Variants in NLGN1 observed in about 807,000 individuals in gnomAD.
The protein encoded by NLGN1 is neuroligin 1, also known as neuroligin-1.
NLGN1 carries 12 observed loss-of-function variants against 65.5 expected under a neutral mutation model. The observed-to-expected ratio is 0.18, with a 90% CI of 0.12 to 0.30. The LOEUF (loss-of-function observed/expected upper bound fraction) is 0.30, where lower values mean the gene tolerates loss of function less well. NLGN1 is among the 10% of genes least tolerant of loss of function. The pLI is 1.00. For missense variants in NLGN1, 750 were observed against 1,007.1 expected, an observed-to-expected ratio of 0.74 and a Z score of 3.46; for synonymous variants, 350 against 359.5, an observed-to-expected ratio of 0.97 and a Z score of 0.30.
At chr3:173,885,211 A>G (rs568572206) in intron 4 of NLGN1, among the ~76,000 whole-genome samples, 1 of 152,260 alleles carries the variant, frequency 6.6e-6, no homozygotes, top group Non-Finnish European at 1.5e-5. Context: ...TTTGTTGTAT[A>G]CTTTTTTACC....
chr3:173,557,696 G>T (rs1012266632), intron 2 of NLGN1, among the ~76,000 whole-genome samples: 5 of 151,960 alleles, frequency 3.3e-5, no homozygotes, highest in Non-Finnish European at 7.4e-5. Context: ...TATAATACCA[G>T]AACCCCTTTC....
chr3:173,964,913 T>C (rs1714470206), intron 4 of NLGN1, among the ~76,000 whole-genome samples: 1 of 152,170 alleles, frequency 6.6e-6, no homozygotes, highest in Admixed American at 6.5e-5. Context: ...TCTGGGATTT[T>C]GTGGTAGCTG....
chr3:174,055,438 A>G lies in NLGN1; in HGVS notation c.647-219877A>G, dbSNP rs1206840094. On this transcript the variant is annotated intron_variant, in intron 4 of 6. Coordinates refer to ENST00000457714, the Ensembl canonical transcript of NLGN1. ...GGCAAAGAGGCCAAAAGGGCACCGAATTGTGATCTGATCAAGCAATGATGA... is the reference window on the plus strand; with the variant it reads ...GGCAAAGAGGCCAAAAGGGCACCGAGTTGTGATCTGATCAAGCAATGATGA... 2.6e-5 allele frequency among the ~76,000 whole-genome samples: 4 copies of G among 152,018 alleles called. No homozygotes were observed. In the East Asian group the frequency reaches 7.7e-4, roughly 29 times the overall value.
chr3:174,180,634 T>A (rs1730213956), intron 4 of NLGN1, among the ~76,000 whole-genome samples: 1 of 152,146 alleles, frequency 6.6e-6, no homozygotes, highest in African/African-American at 2.4e-5. Flanking sequence ...TAACTCTCAC[T>A]TTTACCACTA....
intron 3 of NLGN1, among the ~76,000 whole-genome samples, chr3:173,769,533 G>A (rs901882): frequency 0.78 from 119,386 of 152,108 alleles, 47,535 homozygotes; most frequent in Non-Finnish European, 0.84. Context: ...ATGTGCCTGG[G>A]GTAATAATAC....
chr3:174,111,875 G>C (rs1715299919), intron 4 of NLGN1, among the ~76,000 whole-genome samples: 3 of 151,966 alleles, frequency 2.0e-5, no homozygotes, highest in African/African-American at 7.2e-5. Flanking sequence ...CAAGGGCTAA[G>C]TTCCATGCAT....
chr3:173,943,700 T>G (rs964437688), intron 4 of NLGN1, among the ~76,000 whole-genome samples: 1 of 152,196 alleles, frequency 6.6e-6, no homozygotes, highest in Non-Finnish European at 1.5e-5. Flanking sequence ...CAGGCAAATT[T>G]TCTTCCCTGC....
chr3:173,426,610 A>G (rs1297023198), intron 1 of NLGN1, among the ~76,000 whole-genome samples: 1 of 151,688 alleles, frequency 6.6e-6, no homozygotes, highest in Non-Finnish European at 1.5e-5. Context: ...CAGTCTGTTC[A>G]TGTGCTATAG....
intron 4 of NLGN1, among the ~76,000 whole-genome samples, chr3:174,195,480 A>G (rs1733238703): frequency 6.6e-6 from 1 of 152,206 alleles, no homozygotes; most frequent in Non-Finnish European, 1.5e-5. Flanking sequence ...ACAGACTAAT[A>G]AACCAGAAAA....
chr3:173,903,561 G>T (rs971387081), intron 4 of NLGN1, among the ~76,000 whole-genome samples: 1 of 152,142 alleles, frequency 6.6e-6, no homozygotes, highest in Non-Finnish European at 1.5e-5. Context: ...GTTACTAGAG[G>T]TGACAGATGG....
chr3:173,958,492 C>G (rs557074120), intron 4 of NLGN1, among the ~76,000 whole-genome samples: 12 of 152,010 alleles, frequency 7.9e-5, no homozygotes, highest in Non-Finnish European at 1.2e-4. Context: ...GGGAGGAGAC[C>G]CTGGAGTGGG....
chr3:173,489,803 T>C (rs949699107), intron 2 of NLGN1, among the ~76,000 whole-genome samples: 4 of 151,906 alleles, frequency 2.6e-5, no homozygotes, highest in Non-Finnish European at 4.4e-5. Flanking sequence ...GGTATCTCAT[T>C]GTGGTTTTGT....
At chr3:173,961,234 T>C (rs929597620) in intron 4 of NLGN1, among the ~76,000 whole-genome samples, 2 of 152,100 alleles carry the variant, frequency 1.3e-5, no homozygotes, top group Admixed American at 6.5e-5. Context: ...TCCTTCTTGC[T>C]TTTTTCTCCT....
intron 3 of NLGN1, among the ~76,000 whole-genome samples, chr3:173,631,887 A>C (rs1006348151): frequency 9.5e-5 from 14 of 146,886 alleles, no homozygotes; most frequent in Non-Finnish European, 1.6e-4. Context: ...TTTCAAGATG[A>C]AATTTAAAAT....
intron 4 of NLGN1, among the ~76,000 whole-genome samples, chr3:173,956,343 G>C (rs1353356214): frequency 6.6e-6 from 1 of 152,026 alleles, no homozygotes. Flanking sequence ...GTTTGAAATT[G>C]ACCAAAAGGT....
chr3:174,206,147 G>A lies in NLGN1; in HGVS notation c.647-69168G>A, dbSNP rs1410207391. Among the ~76,000 whole-genome samples the A allele has an allele frequency of 2.0e-5, 3 of 152,128 alleles. No individual in the cohort carries two copies. In the East Asian group the frequency reaches 5.8e-4, roughly 29 times the overall value. Reference sequence around the variant, plus strand: ...ACGTTTGTTTCAAACCAGCAAATAAGAACATGGACTCTGATTTTAGATCAA... The same window carrying A: ...ACGTTTGTTTCAAACCAGCAAATAAAAACATGGACTCTGATTTTAGATCAA... On this transcript the variant is annotated intron_variant, in intron 4 of 6. Transcript: ENST00000457714.
chr3:173,689,045 G>A (rs1233743684), intron 3 of NLGN1, among the ~76,000 whole-genome samples: 1 of 152,144 alleles, frequency 6.6e-6, no homozygotes, highest in African/African-American at 2.4e-5. Flanking sequence ...TACTCTGGTA[G>A]ACCCAGATCT....
chr3:174,133,052 A>G (rs1454882114), intron 4 of NLGN1, among the ~76,000 whole-genome samples: 1 of 152,146 alleles, frequency 6.6e-6, no homozygotes, highest in Non-Finnish European at 1.5e-5. Flanking sequence ...TCAGTTATAG[A>G]TCATCTCTCT....
intron 1 of NLGN1, among the ~76,000 whole-genome samples, chr3:173,414,359 A>G (rs772131632): frequency 2.0e-5 from 3 of 152,138 alleles, no homozygotes; most frequent in Non-Finnish European, 4.4e-5. Flanking sequence ...CTGCTTAGGA[A>G]TGATTAAATG....
Sources: allele counts gnomAD v4.1 joint callset (sites outside exome capture counted in the v4.1 genomes callset), GRCh38; gene constraint gnomAD v4.1.1; transcripts MANE v1.5; gene names NCBI Gene and HGNC (gene_info 2026-07-23, HGNC 2026-07-21).